Variants in IRS1 observed in about 807,000 individuals in gnomAD.
The protein encoded by IRS1 is insulin receptor substrate 1.
Under a neutral mutation model 65.6 loss-of-function variants are expected in IRS1, and 34 were observed. That is an observed-to-expected ratio of 0.52 (90% CI 0.39 to 0.69). The LOEUF (loss-of-function observed/expected upper bound fraction) is 0.69, where lower values mean the gene tolerates loss of function less well. Ranked by LOEUF, IRS1 falls within the 30% of genes least tolerant of loss-of-function variation. The pLI is 0.00. For missense variants in IRS1, 1,641 were observed against 1,720.2 expected (o/e 0.95, Z 0.81); for synonymous variants, 699 against 683.5 (o/e 1.02, Z -0.35).
At chr2:226,769,817 C>T (rs759501147) in intron 1 of IRS1, among the ~76,000 whole-genome samples, 3 of 152,070 alleles carry the variant, frequency 2.0e-5, no homozygotes, top group African/African-American at 7.2e-5. Context: ...CTGAATTTAT[C>T]GGTCCATTCA....
intron 1 of IRS1, among the ~76,000 whole-genome samples, chr2:226,753,855 G>A (rs1938738188): frequency 6.6e-6 from 1 of 152,020 alleles, no homozygotes; most frequent in South Asian, 2.1e-4. Flanking sequence ...TTGATTGATT[G>A]ATTGATTGAT....
intron 1 of IRS1, among the ~76,000 whole-genome samples, chr2:226,755,740 C>T (rs116401260): frequency 2.0e-5 from 3 of 152,300 alleles, no homozygotes; most frequent in Non-Finnish European, 4.4e-5. Flanking sequence ...ATTAGTGCCA[C>T]CCACAAATAC....
In IRS1 at chr2:226,799,133, T is replaced by A. The variant is rs1939834244; in HGVS notation, c.-395A>T. On this transcript the variant is annotated 5_prime_UTR_variant, in exon 1 of 2. Coordinates refer to ENST00000305123, the MANE Select transcript of IRS1 (RefSeq NM_005544.3). This position sits in a 1 kb window ranked among gnomAD's most constrained non-coding sequence, Gnocchi z 6.1. ...CAGTCGGGGGTCCCTGCGGTGCCCC[T>A]CCAGGAGCGCGCGCGCGCGCGCGCC... 5.3e-6 allele frequency: 6 copies of A among 1,139,062 alleles called. No individual in the cohort carries two copies. Among genetic ancestry groups the A allele is most frequent in the Non-Finnish European group, 5.5e-6 (5 of 913,966 alleles). The allele number at this position is 1,139,062 out of a possible 1,614,324, so 70.6% of individuals were successfully genotyped here.
At chr2:226,745,936 AAAAAGT>A (rs2106160257) in intron 1 of IRS1, among the ~76,000 whole-genome samples, 1 of 152,368 alleles carries the variant, frequency 6.6e-6, no homozygotes, top group African/African-American at 2.4e-5. Context: ...GAACAAAAAG[AAAAAGT>A]AAAAGTAGCA....
In IRS1 at chr2:226,754,376, A is replaced by C. The variant is rs186640095; in HGVS notation, c.*22-18126T>G. 6.6e-3 allele frequency among the ~76,000 whole-genome samples: 1,000 copies of C among 152,268 alleles called. 6 individuals are homozygous for C. The highest frequency in any genetic ancestry group is 0.024 in the South Asian group (114 of 4,820). ...ACAAACACATACACAGTAATTTAGA[A>C]TCTCCAAAAACAATATAGCCATCAT... On this transcript the variant is annotated intron_variant, in intron 1 of 1. Transcript: ENST00000305123.
At chr2:226,749,134 T>C (rs915062540) in intron 1 of IRS1, among the ~76,000 whole-genome samples, 4 of 152,224 alleles carry the variant, frequency 2.6e-5, no homozygotes, top group African/African-American at 7.2e-5. Flanking sequence ...AACAGCATTA[T>C]GGTGAAATCT....
intron 1 of IRS1, among the ~76,000 whole-genome samples, chr2:226,762,983 C>T (rs965307904): frequency 2.6e-5 from 4 of 152,110 alleles, no homozygotes; most frequent in African/African-American, 4.8e-5. Flanking sequence ...AATACTCTTG[C>T]GATCATCCAG....
At chr2:226,766,233 G>T (rs1397268797) in intron 1 of IRS1, among the ~76,000 whole-genome samples, 1 of 135,354 alleles carries the variant, frequency 7.4e-6, no homozygotes, top group African/African-American at 2.8e-5. Context: ...GCACGATCTC[G>T]GCTCACTGCA....
At chr2:226,759,002 T>C (rs530905897) in intron 1 of IRS1, among the ~76,000 whole-genome samples, 3 of 152,360 alleles carry the variant, frequency 2.0e-5, no homozygotes, top group Non-Finnish European at 4.4e-5. Context: ...TGTGTGATTA[T>C]ACATTCACTT....
rs769109350 is a variant in IRS1 at position 226,799,365 on chromosome 2, TTGC to T, written c.-630_-628del. The T allele has an allele frequency of 1.4e-3, 1,679 of 1,222,244 alleles. No homozygotes were observed. Among genetic ancestry groups the T allele is most frequent in the Middle Eastern group, 3.4e-3 (10 of 2,964 alleles). 75.7% of individuals were successfully genotyped at this position (1,222,244 alleles called of 1,614,324 possible). On this transcript the variant is annotated 5_prime_UTR_variant, in exon 1 of 2. Transcript: ENST00000305123. This position sits in a 1 kb window ranked among gnomAD's most constrained non-coding sequence, Gnocchi z 6.1. The stretch of plus-strand genomic sequence containing the variant: ...GACCGCGGCGCTGCGGCTGTTGCTG[TTGC>T]TGCTGCTGCTGCTGCTGCTGCTGCC...
rs1559151936 is a variant in IRS1 at position 226,766,140 on chromosome 2, TATATATATA to T, written c.*21+28840_*21+28848del. Among the ~76,000 whole-genome samples the T allele has an allele frequency of 5.4e-3, 23 of 4,240 alleles. 1 individual carries two copies. The highest frequency in any genetic ancestry group is 0.012 in the Non-Finnish European group (17 of 1,440). 2.8% of individuals were successfully genotyped at this position (4,240 alleles called of 152,430 possible). A position where few individuals can be genotyped will look rare whatever the true frequency, so the allele number is the denominator to read the frequency against. On this transcript the variant is annotated intron_variant, in intron 1 of 1. Transcript: ENST00000305123. ...TTAATCTTATATATATATATATATA[TATATATATA>T]TATATATATATATATTTTTTTTTTT... is the stretch of plus-strand genomic sequence containing the variant.
rs905308289 is a variant in IRS1, at chr2:226,734,889, T to C, written c.*1383A>G. 1.3e-5 allele frequency: 2 copies of C among 152,200 alleles called. No homozygotes were observed. Among genetic ancestry groups the C allele is most frequent in the Non-Finnish European group, 2.9e-5 (2 of 68,032 alleles). The allele number at this position is 152,200 out of a possible 1,614,324, so 9.4% of individuals were successfully genotyped here. On this transcript the variant is annotated 3_prime_UTR_variant, in exon 2 of 2. Coordinates refer to ENST00000305123, the MANE Select transcript of IRS1 (RefSeq NM_005544.3). The stretch of plus-strand genomic sequence containing the variant: ...AGTAGCAGGTCATTAAGCTTTTCTG[T>C]GCTCTCTGTACGCTGTGTTTTGTTA...
At chr2:226,760,476 T>C (rs180796152) in intron 1 of IRS1, among the ~76,000 whole-genome samples, 3 of 152,318 alleles carry the variant, frequency 2.0e-5, no homozygotes, top group Admixed American at 2.0e-4. Flanking sequence ...CAGTCCACAC[T>C]TCCCTACAAA....
In IRS1 at chr2:226,795,841, G is replaced by A. The variant is rs746601499; in HGVS notation, c.2898C>T (p.Gly966=). 1.3e-5 allele frequency: 21 copies of A among 1,613,238 alleles called. No homozygotes were observed. In the Admixed American group the frequency reaches 2.7e-4, roughly 20 times the overall value. Reference sequence around the variant, plus strand: ...TGCTAGCAGCCCCGGGAGGTGCAGGGCCCAGTCTGCCCATCTCGACCCCAG... The same window carrying A: ...TGCTAGCAGCCCCGGGAGGTGCAGGACCCAGTCTGCCCATCTCGACCCCAG... ...ESTGVEMGRL[G]PAPPGAASIC... Residue 966 remains glycine, a synonymous_variant, in exon 1 of 2, where the codon GGC becomes GGT. Transcript: ENST00000305123.
chr2:226,794,979 T>C lies in IRS1; in HGVS notation c.*21+10A>G. On this transcript the variant is annotated intron_variant, in intron 1 of 1. Coordinates refer to ENST00000305123, the MANE Select transcript of IRS1 (RefSeq NM_005544.3). The surrounding 1 kb of genome is among the most constrained non-coding windows in gnomAD (Gnocchi z 4.1). ...GTTTTGTCTTCTGACTTTGTCACCATGAAACGCACCTGCTGTGATGTCCAG... is the reference window on the plus strand; with the variant it reads ...GTTTTGTCTTCTGACTTTGTCACCACGAAACGCACCTGCTGTGATGTCCAG... 1.2e-6 allele frequency: 2 copies of C among 1,612,160 alleles called. No individual in the cohort carries two copies. Among genetic ancestry groups the C allele is most frequent in the Non-Finnish European group, 1.7e-6 (2 of 1,179,056 alleles).
chr2:226,766,161 ATATTTTT>A (rs1466094869), intron 1 of IRS1, among the ~76,000 whole-genome samples: 3 of 5,456 alleles, frequency 5.5e-4, no homozygotes, highest in Admixed American at 9.6e-3. Context: ...ATATATATAT[ATATTTTT>A]TTTTTTTTTT....
Position 226,798,819 on chromosome 2 carries a change from G to A in IRS1, c.-81C>T. The A allele has an allele frequency of 6.4e-7, 1 of 1,551,586 alleles. No individual in the cohort carries two copies. The highest frequency in any genetic ancestry group is 8.7e-7 in the Non-Finnish European group (1 of 1,148,788). ...TGGGGGGCGGAGGCTCCTCGCCGCG[G>A]CCCGGCACATGCAAACAGGGCTGGA... On this transcript the variant is annotated 5_prime_UTR_variant, in exon 1 of 2. Transcript: ENST00000305123. This position sits in a 1 kb window ranked among gnomAD's most constrained non-coding sequence, Gnocchi z 9.4.
chr2:226,751,177 G>T (rs1014232467), intron 1 of IRS1, among the ~76,000 whole-genome samples: 1 of 151,800 alleles, frequency 6.6e-6, no homozygotes, highest in Non-Finnish European at 1.5e-5. Context: ...AACTTCTGCC[G>T]CCAGGGCTCT....
At chr2:226,767,683 T>C (rs1399835288) in intron 1 of IRS1, among the ~76,000 whole-genome samples, 1 of 152,194 alleles carries the variant, frequency 6.6e-6, no homozygotes, top group Non-Finnish European at 1.5e-5. Flanking sequence ...TAGTGCAGCC[T>C]GCCGCTGTGG....
Sources: allele counts gnomAD v4.1 joint callset (sites outside exome capture counted in the v4.1 genomes callset), GRCh38; gene constraint gnomAD v4.1.1; non-coding constraint Gnocchi (gnomAD v3.1); transcripts MANE v1.5; gene names NCBI Gene and HGNC (gene_info 2026-07-23, HGNC 2026-07-21).